The following TBCE variants were observed in gnomAD, a reference collection of about 807,000 sequenced individuals.
The protein encoded by TBCE is tubulin-specific chaperone E.
Under a neutral mutation model 77.0 loss-of-function variants are expected in TBCE, and 53 were observed. The ratio of observed to expected loss-of-function variants is 0.69; its 90% confidence interval spans 0.55 to 0.87. The LOEUF (loss-of-function observed/expected upper bound fraction) is 0.87, where lower values mean the gene tolerates loss of function less well. TBCE is among the 40% of genes least tolerant of loss of function. The pLI is 0.00. For synonymous variants in TBCE, 235 were observed against 241.3 expected (o/e 0.97, Z 0.24); for missense variants, 624 against 622.4 (o/e 1.00, Z -0.03).
Position 235,405,947 on chromosome 1 carries a change from A to G in TBCE, c.185+4360A>G, listed in dbSNP as rs79210243. On this transcript the variant is annotated intron_variant, in intron 3 of 16. Coordinates refer to ENST00000642610, the MANE Select transcript of TBCE (RefSeq NM_003193.5). ...AGCATATGCGGTCCATTGTTGATCT[A>G]CACGTCATTATGTGGTGCATGACTG... 7.9e-3 allele frequency among the ~76,000 whole-genome samples: 1,202 copies of G among 152,302 alleles called. 2 individuals are homozygous for G. The highest frequency in any genetic ancestry group is 0.013 in the Non-Finnish European group (908 of 68,018).
Position 235,451,224 on chromosome 1 carries a change from G to A in TBCE, c.*2462G>A, listed in dbSNP as rs1162152619. 1 of 152,160 alleles carries A rather than the reference G, an allele frequency of 6.6e-6. No individual in the cohort carries two copies. Among genetic ancestry groups the A allele is most frequent in the African/African-American group, 2.4e-5 (1 of 41,398 alleles). 9.4% of individuals were successfully genotyped at this position (152,160 alleles called of 1,614,324 possible). ...AAACACACTCAGCTTGTCTGTCTCA[G>A]TCTTGCCCCTCAGTGGGATGGAAAG... On this transcript the variant is annotated 3_prime_UTR_variant, in exon 17 of 17. Transcript: ENST00000642610.
At chr1:235,370,832 C>A (rs1367715373) in intron 1 of TBCE, among the ~76,000 whole-genome samples, 3 of 150,070 alleles carry the variant, frequency 2.0e-5, no homozygotes, top group Non-Finnish European at 3.0e-5. Flanking sequence ...ACCTCCGCCT[C>A]CCGGGTTCAA....
chr1:235,444,177 A>T (rs1682088043), intron 15 of TBCE, among the ~76,000 whole-genome samples: 1 of 152,198 alleles, frequency 6.6e-6, no homozygotes, highest in Non-Finnish European at 1.5e-5. Flanking sequence ...GTGTTCAAAG[A>T]AGTACCTTTC....
intron 13 of TBCE, among the ~76,000 whole-genome samples, chr1:235,440,088 A>C (rs988611857): frequency 2.0e-5 from 3 of 151,992 alleles, no homozygotes; most frequent in Admixed American, 6.6e-5. Context: ...CTCCTGCCTC[A>C]GCCTCCCGAG....
Position 235,450,289 on chromosome 1 carries a change from G to A in TBCE, c.*1527G>A. 2 of 1,613,862 alleles carry A rather than the reference G, an allele frequency of 1.2e-6. No homozygotes were observed. The highest frequency in any genetic ancestry group is 1.3e-5 in the African/African-American group (1 of 75,036). On this transcript the variant is annotated 3_prime_UTR_variant, in exon 17 of 17. Transcript: ENST00000642610. ...GTCAGTTCCCACGGAGAATACTGAGGAGAAGACAGCATTCCTGTCTCACAG... is the reference window on the plus strand; with the variant it reads ...GTCAGTTCCCACGGAGAATACTGAGAAGAAGACAGCATTCCTGTCTCACAG...
chr1:235,392,400 ATTTTTTTTTTTT>A (rs557817776), intron 2 of TBCE, among the ~76,000 whole-genome samples: 8 of 53,996 alleles, frequency 1.5e-4, no homozygotes, highest in South Asian at 1.3e-3. Context: ...GCTGAACAGA[ATTTTTTTTTTTT>A]TTTTTTTTTT....
At chr1:235,437,683 G>A (rs530347052) in intron 12 of TBCE, among the ~76,000 whole-genome samples, 36 of 151,960 alleles carry the variant, frequency 2.4e-4, no homozygotes, top group Middle Eastern at 3.4e-3. Flanking sequence ...GGTGGCACGC[G>A]CCTGTAAGTG....
At chr1:235,439,151 T>C (rs1160468932) in intron 13 of TBCE, among the ~76,000 whole-genome samples, 2 of 151,942 alleles carry the variant, frequency 1.3e-5, no homozygotes, top group African/African-American at 4.8e-5. Context: ...GTTCTTGAAA[T>C]GGAGAGGTTT....
intron 15 of TBCE, among the ~76,000 whole-genome samples, chr1:235,444,617 C>G (rs1682120826): frequency 6.6e-6 from 1 of 152,176 alleles, no homozygotes; most frequent in African/African-American, 2.4e-5. Flanking sequence ...GTTGCTAAGG[C>G]TGGCCTCAAA....
intron 1 of TBCE, among the ~76,000 whole-genome samples, chr1:235,373,345 G>A (rs544975585): frequency 3.5e-4 from 53 of 152,208 alleles, no homozygotes; most frequent in Middle Eastern, 3.4e-3. Context: ...GAAGATGGTA[G>A]TAAATCAGAA....
intron 3 of TBCE, among the ~76,000 whole-genome samples, chr1:235,406,209 T>A (rs969272456): frequency 6.6e-6 from 1 of 152,218 alleles, no homozygotes; most frequent in Non-Finnish European, 1.5e-5. Context: ...GGGTCTGAAG[T>A]GGTGGAGAAC....
At chr1:235,389,647 G>T (rs1678259932) in intron 2 of TBCE, among the ~76,000 whole-genome samples, 1 of 151,930 alleles carries the variant, frequency 6.6e-6, no homozygotes, top group Non-Finnish European at 1.5e-5. Flanking sequence ...TAGTTTAGAG[G>T]TCATCTTTTG....
At chr1:235,448,028 G>A (rs1156718463) in intron 15 of TBCE, among the ~76,000 whole-genome samples, 2 of 152,072 alleles carry the variant, frequency 1.3e-5, no homozygotes, top group Non-Finnish European at 2.9e-5. Flanking sequence ...GGCCAACATG[G>A]TGAAACCCCG....
At chr1:235,367,997 C>G (rs1302366579) in intron 1 of TBCE, among the ~76,000 whole-genome samples, 2 of 152,164 alleles carry the variant, frequency 1.3e-5, no homozygotes, top group Non-Finnish European at 2.9e-5. Context: ...CCTCCGCCTC[C>G]TGGGTTCAAG....
intron 2 of TBCE, among the ~76,000 whole-genome samples, chr1:235,391,051 G>T (rs1302533317): frequency 1.3e-5 from 2 of 152,074 alleles, no homozygotes; most frequent in Non-Finnish European, 2.9e-5. Context: ...TACTGGGTTG[G>T]TCTTCGTTTC....
At chr1:235,382,715 G>A (rs1257223206) in intron 2 of TBCE, among the ~76,000 whole-genome samples, 3 of 148,670 alleles carry the variant, frequency 2.0e-5, no homozygotes, top group African/African-American at 7.4e-5. Context: ...CTGGATATTA[G>A]CCCTTTGTCA....
chr1:235,395,733 C>T (rs779404849), intron 2 of TBCE, among the ~76,000 whole-genome samples: 4 of 151,662 alleles, frequency 2.6e-5, no homozygotes, highest in African/African-American at 7.3e-5. Flanking sequence ...TTAATGGAGA[C>T]GGGGATTTGC....
At chr1:235,448,220 CAAAA>C (rs59405398) in intron 15 of TBCE, 125 bp from the exon 16 acceptor site, 679 of 527,526 alleles carry the variant, frequency 1.3e-3, no homozygotes, top group East Asian at 1.8e-3. Flanking sequence ...AAGTCAGTCT[CAAAA>C]AAAAAAAAAA....
chr1:235,387,527 C>T (rs1414938667), intron 2 of TBCE, among the ~76,000 whole-genome samples: 1 of 152,236 alleles, frequency 6.6e-6, no homozygotes, highest in African/African-American at 2.4e-5. Flanking sequence ...CCCAGCCGCG[C>T]TGCTGCCTTG....
Sources: gnomAD v4.1 joint callset for allele counts (sites outside exome capture counted in the v4.1 genomes callset) on GRCh38, gnomAD v4.1.1 for gene constraint, MANE v1.5 for transcripts, NCBI Gene and HGNC (gene_info 2026-07-23, HGNC 2026-07-21) for gene names.